The following NEDD9 variants were observed in gnomAD, a reference collection of about 807,000 sequenced individuals.
NEDD9 encodes neural precursor cell expressed, developmentally down-regulated 9.
Under a neutral mutation model 76.6 loss-of-function variants are expected in NEDD9, and 26 were observed. That is an observed-to-expected ratio of 0.34 (90% CI 0.25 to 0.47). NEDD9 has a LOEUF of 0.47. Ranked by LOEUF, NEDD9 falls within the 20% of genes least tolerant of loss-of-function variation. NEDD9 has a pLI of 1.00. For missense variants in NEDD9, 937 were observed against 1,058.5 expected (o/e 0.89, Z 1.59); for synonymous variants, 392 against 414.2 (o/e 0.95, Z 0.65).
intron 1 of NEDD9, among the ~76,000 whole-genome samples, chr6:11,375,714 C>T (rs952656248): frequency 5.9e-5 from 9 of 152,218 alleles, no homozygotes; most frequent in Non-Finnish European, 8.8e-5. Context: ...CATATGCTGG[C>T]TCCTCCTTCC....
intron 2 of NEDD9, chr6:11,200,243 A>T (rs1180237320): frequency 4.4e-6 from 2 of 455,236 alleles, no homozygotes; most frequent in Admixed American, 2.4e-5. Flanking sequence ...CTGTATCCAA[A>T]ATAAGGATTA....
intron 3 of NEDD9, among the ~76,000 whole-genome samples, chr6:11,248,047 A>T (rs977460251): frequency 6.6e-6 from 1 of 151,440 alleles, no homozygotes; most frequent in African/African-American, 2.5e-5. Context: ...ATAAAGAGTT[A>T]AAAAAAGCTC....
chr6:11,229,424 G>C lies in NEDD9; in HGVS notation c.12+3080C>G, dbSNP rs140169624. ...GGCCTCGGGCCTGGCAGGCACAAAC[G>C]GGGTGGGGTCTCGGGGGCTTCTGCT... On this transcript the variant is annotated intron_variant, in intron 1 of 6. Transcript: ENST00000379446. Among the ~76,000 whole-genome samples, 1,468 of 152,044 alleles carry C rather than the reference G, an allele frequency of 9.7e-3. 14 individuals are homozygous for C. Among genetic ancestry groups the C allele is most frequent in the African/African-American group, 0.025 (1,032 of 41,454 alleles).
At chr6:11,222,812 T>C (rs1759186814) in intron 1 of NEDD9, among the ~76,000 whole-genome samples, 1 of 152,264 alleles carries the variant, frequency 6.6e-6, no homozygotes, top group Non-Finnish European at 1.5e-5. Flanking sequence ...AGTTGCTTTT[T>C]GGTTAGGACC....
chr6:11,305,113 A>C (rs1199153939), intron 3 of NEDD9: 8 of 1,289,148 alleles, frequency 6.2e-6, no homozygotes, highest in Non-Finnish European at 8.1e-6. Context: ...TTGGCTTGAT[A>C]CGGTGCCCAG....
chr6:11,275,920 C>T (rs1015598446), intron 3 of NEDD9, among the ~76,000 whole-genome samples: 4 of 152,040 alleles, frequency 2.6e-5, no homozygotes, highest in Non-Finnish European at 5.9e-5. Context: ...AAATGAGAAC[C>T]GAAGATAGGA....
chr6:11,233,748 C>T (rs1449382267), upstream of NEDD9, among the ~76,000 whole-genome samples: 1 of 152,212 alleles, frequency 6.6e-6, no homozygotes, highest in African/African-American at 2.4e-5. Context: ...CAACTCTTCT[C>T]ACGGACAGAG....
chr6:11,317,371 A>T (rs987922577), intron 2 of NEDD9, among the ~76,000 whole-genome samples: 1 of 151,786 alleles, frequency 6.6e-6, no homozygotes, highest in South Asian at 2.1e-4. Context: ...AGGTGGAGGT[A>T]GCAGTGAGTA....
At chr6:11,284,789 A>T (rs1327816775) in intron 3 of NEDD9, among the ~76,000 whole-genome samples, 1 of 150,052 alleles carries the variant, frequency 6.7e-6, no homozygotes, top group Non-Finnish European at 1.5e-5. Flanking sequence ...ATATTTATAT[A>T]TTAATATAAT....
chr6:11,340,964 C>T (rs976762061), intron 1 of NEDD9, among the ~76,000 whole-genome samples: 1 of 152,182 alleles, frequency 6.6e-6, no homozygotes, highest in African/African-American at 2.4e-5. Flanking sequence ...CCTTAGCTCT[C>T]GTGCTCAGCC....
intron 2 of NEDD9, among the ~76,000 whole-genome samples, chr6:11,206,974 C>G (rs1484242112): frequency 6.6e-6 from 1 of 152,190 alleles, no homozygotes; most frequent in Non-Finnish European, 1.5e-5. Flanking sequence ...TCGAGGCAAA[C>G]AATTCATATA....
chr6:11,380,800 C>T (rs535035618), intron 1 of NEDD9, among the ~76,000 whole-genome samples: 1 of 147,142 alleles, frequency 6.8e-6, no homozygotes, highest in East Asian at 2.0e-4. Context: ...TAGTCATCGT[C>T]TTCTTCTTCT....
intron 3 of NEDD9, among the ~76,000 whole-genome samples, chr6:11,267,020 C>T (rs776928044): frequency 1.3e-5 from 2 of 152,158 alleles, no homozygotes; most frequent in Admixed American, 6.5e-5. Context: ...AGAGATTTTG[C>T]TTTTAGCCCA....
intron 3 of NEDD9, among the ~76,000 whole-genome samples, chr6:11,253,901 T>C (rs1295180843): frequency 6.6e-6 from 1 of 152,192 alleles, no homozygotes; most frequent in Non-Finnish European, 1.5e-5. Flanking sequence ...CATTTTGTAC[T>C]GGTATTTTTT....
intron 3 of NEDD9, among the ~76,000 whole-genome samples, chr6:11,261,189 G>A (rs1284306422): frequency 1.3e-5 from 2 of 152,148 alleles, no homozygotes; most frequent in Non-Finnish European, 2.9e-5. Context: ...TGATGAAAAT[G>A]TACATTGGTA....
intron 1 of NEDD9, among the ~76,000 whole-genome samples, chr6:11,335,960 C>T (rs56178186): frequency 0.035 from 5,278 of 152,240 alleles, 210 homozygotes; most frequent in African/African-American, 0.096. Context: ...TTCAGAAGCT[C>T]GTCTGCACTT....
chr6:11,334,811 T>C (rs1561839014), intron 1 of NEDD9, among the ~76,000 whole-genome samples: 1 of 152,108 alleles, frequency 6.6e-6, no homozygotes, highest in Non-Finnish European at 1.5e-5. Context: ...TCAAAATGAG[T>C]TGTAAAGCAG....
At chr6:11,257,879 G>C (rs1198857092) in intron 3 of NEDD9, among the ~76,000 whole-genome samples, 1 of 151,036 alleles carries the variant, frequency 6.6e-6, no homozygotes, top group African/African-American at 2.5e-5. Context: ...CTAGTTATTT[G>C]TCCCCTACTC....
chr6:11,326,299 A>C (rs1264630239), intron 2 of NEDD9, among the ~76,000 whole-genome samples: 1 of 152,230 alleles, frequency 6.6e-6, no homozygotes, highest in East Asian at 1.9e-4. Flanking sequence ...TGCTGAACCC[A>C]GGTCCTCCCT....
Sources: allele counts gnomAD v4.1 joint callset (sites outside exome capture counted in the v4.1 genomes callset), GRCh38; gene constraint gnomAD v4.1.1; transcripts MANE v1.5; gene names NCBI Gene and HGNC (gene_info 2026-07-23, HGNC 2026-07-21).